The following RPS6KC1 variants were observed in gnomAD, a reference collection of about 807,000 sequenced individuals.
RPS6KC1 encodes inactive ribosomal protein S6 kinase delta-1.
RPS6KC1 carries 54 observed loss-of-function variants against 103.8 expected under a neutral mutation model. The observed-to-expected ratio is 0.52, with a 90% CI of 0.42 to 0.65. RPS6KC1 has a LOEUF of 0.65. Ranked by LOEUF, RPS6KC1 falls within the 30% of genes least tolerant of loss-of-function variation. The pLI is 0.00. For synonymous variants in RPS6KC1, 439 were observed against 438.7 expected (o/e 1.00, Z -0.01); for missense variants, 1,151 against 1,253.8 (o/e 0.92, Z 1.24).
chr1:213,230,815 A>AC (rs1004010252), intron 9 of RPS6KC1, among the ~76,000 whole-genome samples: 13 of 149,554 alleles, frequency 8.7e-5, no homozygotes, highest in Non-Finnish European at 1.8e-4. Flanking sequence ...AGCCTGGGCA[A>AC]CAAGAGTGAG....
At chr1:213,182,358 G>T (rs1255910131) in intron 8 of RPS6KC1, among the ~76,000 whole-genome samples, 1 of 152,062 alleles carries the variant, frequency 6.6e-6, no homozygotes, top group Non-Finnish European at 1.5e-5. Flanking sequence ...CAGCATGGTG[G>T]TGCACGACTG....
chr1:213,074,576 A>G (rs558968071), intron 2 of RPS6KC1, among the ~76,000 whole-genome samples: 1 of 152,264 alleles, frequency 6.6e-6, no homozygotes, highest in East Asian at 1.9e-4. Flanking sequence ...AGTAAGAAGA[A>G]AAGGAGGCAG....
At chr1:213,152,859 A>G (rs1010713407) in intron 6 of RPS6KC1, among the ~76,000 whole-genome samples, 3 of 152,196 alleles carry the variant, frequency 2.0e-5, no homozygotes, top group Admixed American at 1.3e-4. Context: ...AGAGGCTGCA[A>G]TGTCGGCACT....
intron 3 of RPS6KC1, among the ~76,000 whole-genome samples, chr1:213,086,300 TGCGGC>T: frequency 1.3e-5 from 2 of 152,246 alleles, no homozygotes; most frequent in Non-Finnish European, 2.9e-5. Flanking sequence ...AGTTACTGCC[TGCGGC>T]TCCTTGCCTT....
chr1:213,171,669 C>T (rs2091487458), intron 7 of RPS6KC1, among the ~76,000 whole-genome samples: 1 of 152,018 alleles, frequency 6.6e-6, no homozygotes, highest in African/African-American at 2.4e-5. Flanking sequence ...AAGTATTTTT[C>T]TATTGTGCAT....
At chr1:213,528,704 T>A in the RPS6KC1 span, among the ~76,000 whole-genome samples, 4 of 152,112 alleles carry the variant, frequency 2.6e-5, no homozygotes, top group Non-Finnish European at 5.9e-5. Flanking sequence ...TCATCTCAGA[T>A]CCTGCCAGCC....
chr1:213,746,086 C>T, the RPS6KC1 span, among the ~76,000 whole-genome samples: 1 of 152,210 alleles, frequency 6.6e-6, no homozygotes, highest in Non-Finnish European at 1.5e-5. Context: ...AGACACAGAT[C>T]TCTGCCCTCA....
At chr1:213,194,532 C>T (rs2092867025) in intron 8 of RPS6KC1, among the ~76,000 whole-genome samples, 1 of 152,110 alleles carries the variant, frequency 6.6e-6, no homozygotes, top group Admixed American at 6.6e-5. Context: ...CCAGGGGTCC[C>T]CCATCCCTGG....
At chr1:213,336,766 CTG>C in the RPS6KC1 span, among the ~76,000 whole-genome samples, 1 of 152,198 alleles carries the variant, frequency 6.6e-6, no homozygotes, top group Non-Finnish European at 1.5e-5. Flanking sequence ...GAAGCTAAAT[CTG>C]TGTTTTCTGG....
the RPS6KC1 span, among the ~76,000 whole-genome samples, chr1:213,772,835 GT>G: frequency 6.6e-6 from 1 of 152,192 alleles, no homozygotes; most frequent in Non-Finnish European, 1.5e-5. Flanking sequence ...TGAGGCCAAG[GT>G]TATCCAAGGG....
the RPS6KC1 span, among the ~76,000 whole-genome samples, chr1:213,602,185 T>TCTTTCTTTCTTTCTTTCTTTCTTC: frequency 8.9e-6 from 1 of 112,548 alleles, no homozygotes; most frequent in Non-Finnish European, 1.7e-5. Flanking sequence ...TTTCTTTCTT[T>TCTTTCTTTCTTTCTTTCTTTCTTC]CTTTTTCCCT....
the RPS6KC1 span, among the ~76,000 whole-genome samples, chr1:213,787,664 T>C: frequency 6.7e-6 from 1 of 149,314 alleles, no homozygotes; most frequent in Non-Finnish European, 1.5e-5. Context: ...AGATGGGATT[T>C]ATTGGGGGGA....
At position 213,062,202 on chromosome 1, in the gene RPS6KC1, A is replaced by G. The variant is rs541014971; in HGVS notation, c.106-8804A>G. The stretch of plus-strand genomic sequence containing the variant: ...TTGAGTGTCAAATGATGCTACAGGT[A>G]TAAAATTTCACACTTGACCTCATGT... On this transcript the variant is annotated intron_variant, in intron 1 of 14. Transcript: ENST00000366960. Among the ~76,000 whole-genome samples, 9 of 152,330 alleles carry G rather than the reference A, an allele frequency of 5.9e-5. No individual in the cohort carries two copies. In the East Asian group the frequency reaches 1.7e-3, roughly 29 times the overall value.
At chr1:213,518,611 C>G in the RPS6KC1 span, among the ~76,000 whole-genome samples, 3 of 152,158 alleles carry the variant, frequency 2.0e-5, no homozygotes, top group African/African-American at 4.8e-5. Flanking sequence ...TTTCTTATGG[C>G]AGCTACTCCA....
intron 12 of RPS6KC1, among the ~76,000 whole-genome samples, chr1:213,249,474 T>A (rs999388304): frequency 6.6e-6 from 1 of 152,228 alleles, no homozygotes; most frequent in Non-Finnish European, 1.5e-5. Context: ...CTGAAGCTCC[T>A]TTAATAGCCA....
At chr1:213,102,074 T>G (rs1490029235) in intron 3 of RPS6KC1, among the ~76,000 whole-genome samples, 1 of 152,202 alleles carries the variant, frequency 6.6e-6, no homozygotes, top group Non-Finnish European at 1.5e-5. Context: ...GCATTTGAAC[T>G]GAGAGCATTT....
At chr1:213,363,164 T>G in the RPS6KC1 span, among the ~76,000 whole-genome samples, 1 of 152,200 alleles carries the variant, frequency 6.6e-6, no homozygotes, top group Non-Finnish European at 1.5e-5. Flanking sequence ...GGGACACAAG[T>G]CTGTTTCCTC....
the RPS6KC1 span, among the ~76,000 whole-genome samples, chr1:213,705,251 G>A: frequency 3.3e-5 from 5 of 151,956 alleles, no homozygotes; most frequent in Admixed American, 1.3e-4. Flanking sequence ...GGTGCTGTCC[G>A]GGATCCAGGG....
intron 6 of RPS6KC1, among the ~76,000 whole-genome samples, chr1:213,142,647 G>T (rs1014486061): frequency 2.0e-5 from 3 of 151,960 alleles, no homozygotes; most frequent in Non-Finnish European, 2.9e-5. Flanking sequence ...TGAAGTTTGG[G>T]CTGCCATCCG....
Sources: gnomAD v4.1 joint callset for allele counts (sites outside exome capture counted in the v4.1 genomes callset) on GRCh38, gnomAD v4.1.1 for gene constraint, MANE v1.5 for transcripts, NCBI Gene and HGNC (gene_info 2026-07-23, HGNC 2026-07-21) for gene names.